Variants in COMMD1 observed in about 807,000 individuals in gnomAD.
The protein encoded by COMMD1 is copper metabolism domain containing 1, also known as COMM domain-containing protein 1.
A neutral mutation model predicts 17.2 loss-of-function variants in COMMD1; 10 were observed. The ratio of observed to expected loss-of-function variants is 0.58; its 90% CI spans 0.36 to 0.99. The LOEUF is 0.99. COMMD1 is among the 50% of genes least tolerant of loss of function. The probability of loss-of-function intolerance (pLI) is 0.01; values close to 1 mark genes in which losing one functional copy is unlikely to be tolerated. For missense variants in COMMD1, 270 were observed against 231.8 expected (o/e 1.17, Z -1.07); for synonymous variants, 97 against 91.6 (o/e 1.06, Z -0.34).
chr2:61,929,103 TA>T (rs1670399591), intron 1 of COMMD1, among the ~76,000 whole-genome samples: 1 of 152,234 alleles, frequency 6.6e-6, no homozygotes, highest in Non-Finnish European at 1.5e-5. Flanking sequence ...GAGATGCCCT[TA>T]CTGGGCAAGT....
At chr2:61,947,739 A>G (rs1332328773) in intron 1 of COMMD1, among the ~76,000 whole-genome samples, 1 of 148,670 alleles carries the variant, frequency 6.7e-6, no homozygotes, top group Non-Finnish European at 1.5e-5. Context: ...TTTTTGGAGA[A>G]GTGGGGTACT....
At chr2:62,012,908 G>A (rs993960900) in intron 2 of COMMD1, among the ~76,000 whole-genome samples, 4 of 152,144 alleles carry the variant, frequency 2.6e-5, no homozygotes, top group African/African-American at 9.7e-5. Flanking sequence ...CTTCTCTGAG[G>A]TGAGCTGAGC....
intron 1 of COMMD1, among the ~76,000 whole-genome samples, chr2:61,959,763 C>G (rs569550812): frequency 6.6e-6 from 1 of 152,188 alleles, no homozygotes; most frequent in East Asian, 1.9e-4. Context: ...CAAATGATCT[C>G]TCAGCAAGGT....
At chr2:62,011,365 T>C (rs534102753) in intron 2 of COMMD1, among the ~76,000 whole-genome samples, 1 of 152,358 alleles carries the variant, frequency 6.6e-6, no homozygotes, top group East Asian at 1.9e-4. Flanking sequence ...TTTACAGTCA[T>C]CCACAATTTG....
chr2:62,019,197 G>T (rs376541205), intron 2 of COMMD1, among the ~76,000 whole-genome samples: 1 of 135,020 alleles, frequency 7.4e-6, no homozygotes, highest in African/African-American at 2.7e-5. Context: ...CTTTTTGATG[G>T]AGTTTCACTC....
At chr2:62,062,188 A>T (rs1670879094) in intron 2 of COMMD1, among the ~76,000 whole-genome samples, 1 of 151,298 alleles carries the variant, frequency 6.6e-6, no homozygotes, top group Non-Finnish European at 1.5e-5. Context: ...ACTCCTAAGG[A>T]TACTGAGGTG....
In COMMD1 at chr2:61,989,633, G is replaced by A. The variant is rs368549788; in HGVS notation, c.181-11068G>A. ...TGCCACCATGCCTGGCTAATTTTTT[G>A]TGTGTTTTTTTAATAGAGTTGGGTT... On this transcript the variant is annotated intron_variant, in intron 1 of 2. Transcript: ENST00000311832. 3.3e-5 allele frequency among the ~76,000 whole-genome samples: 5 copies of A among 151,728 alleles called. No individual in the cohort carries two copies. In the East Asian group the frequency reaches 7.8e-4, roughly 24 times the overall value.
chr2:62,055,925 G>A (rs1407042251), intron 2 of COMMD1, among the ~76,000 whole-genome samples: 3 of 152,226 alleles, frequency 2.0e-5, no homozygotes, highest in Admixed American at 2.0e-4. Context: ...AGGCAACAAT[G>A]CTTGTTTTTG....
chr2:62,071,959 G>A (rs1671210587), intron 2 of COMMD1, among the ~76,000 whole-genome samples: 1 of 151,390 alleles, frequency 6.6e-6, no homozygotes, highest in African/African-American at 2.4e-5. Context: ...CAAGTGTTAA[G>A]TCACACCCTC....
intron 1 of COMMD1, among the ~76,000 whole-genome samples, chr2:61,958,735 A>G (rs1387953332): frequency 1.3e-5 from 2 of 152,060 alleles, no homozygotes; most frequent in African/African-American, 4.8e-5. Flanking sequence ...AAATTTATAT[A>G]TTTTTATGTT....
chr2:62,058,788 G>A (rs1163430900), intron 2 of COMMD1, among the ~76,000 whole-genome samples: 1 of 150,550 alleles, frequency 6.6e-6, no homozygotes, highest in Non-Finnish European at 1.5e-5. Flanking sequence ...CTTTCTTTCT[G>A]TTTTTTTTTG....
chr2:62,068,068 G>A (rs867037116), intron 2 of COMMD1, among the ~76,000 whole-genome samples: 8 of 152,200 alleles, frequency 5.3e-5, no homozygotes, highest in East Asian at 3.9e-4. Flanking sequence ...CATTCAGTTC[G>A]TGGTCCCAGT....
intron 1 of COMMD1, among the ~76,000 whole-genome samples, chr2:61,906,116 G>C (rs1669766593): frequency 6.6e-6 from 1 of 152,162 alleles, no homozygotes; most frequent in African/African-American, 2.4e-5. Flanking sequence ...TTTCCTTCAA[G>C]ACATTTCTGT....
At chr2:61,947,789 C>T (rs1670948634) in intron 1 of COMMD1, among the ~76,000 whole-genome samples, 1 of 149,280 alleles carries the variant, frequency 6.7e-6, no homozygotes, top group Non-Finnish European at 1.5e-5. Flanking sequence ...CACCCTCAGG[C>T]AATCCTCCCG....
At chr2:61,930,667 T>C (rs977570521) in intron 1 of COMMD1, among the ~76,000 whole-genome samples, 4 of 134,324 alleles carry the variant, frequency 3.0e-5, no homozygotes, top group Non-Finnish European at 6.6e-5. Context: ...GAGTGAGTGT[T>C]TGAGCTCACC....
chr2:62,015,112 C>T (rs1669400062), intron 2 of COMMD1, among the ~76,000 whole-genome samples: 1 of 152,166 alleles, frequency 6.6e-6, no homozygotes, highest in Non-Finnish European at 1.5e-5. Context: ...ATAACCATCA[C>T]CACTATTTGC....
intron 1 of COMMD1, among the ~76,000 whole-genome samples, chr2:61,899,121 C>T (rs1165799913): frequency 6.6e-6 from 1 of 152,054 alleles, no homozygotes; most frequent in African/African-American, 2.4e-5. Flanking sequence ...CAAAATATGC[C>T]ACTTTGGCAT....
intron 2 of COMMD1, among the ~76,000 whole-genome samples, chr2:62,064,983 A>G (rs539286233): frequency 6.6e-6 from 1 of 152,284 alleles, no homozygotes; most frequent in African/African-American, 2.4e-5. Context: ...CCTGGGCAAC[A>G]TGGCGAAACC....
chr2:62,101,279 C>G (rs1672169839), intron 2 of COMMD1, among the ~76,000 whole-genome samples: 1 of 152,074 alleles, frequency 6.6e-6, no homozygotes, highest in African/African-American at 2.4e-5. Context: ...AGTGGAGACC[C>G]CACAGGTCTT....
Sources: allele counts gnomAD v4.1 joint callset (sites outside exome capture counted in the v4.1 genomes callset), GRCh38; gene constraint gnomAD v4.1.1; transcripts MANE v1.5; gene names NCBI Gene and HGNC (gene_info 2026-07-23, HGNC 2026-07-21).